ITGB6: variants seen among roughly 807,000 people sequenced by gnomAD.
ITGB6 encodes the protein integrin beta-6.
Under a neutral mutation model 84.5 loss-of-function variants are expected in ITGB6, and 80 were observed. That is an observed-to-expected ratio of 0.95 (90% CI 0.79 to 1.14). The LOEUF is 1.14. Among genes scored for constraint, ITGB6 ranks in the 50% most tolerant of loss-of-function variants. ITGB6 has a pLI of 0.00. For synonymous variants in ITGB6, 383 were observed against 354.9 expected (o/e 1.08, Z -0.89); for missense variants, 1,006 against 968.0 (o/e 1.04, Z -0.52).
intron 4 of ITGB6, among the ~76,000 whole-genome samples, chr2:160,192,202 T>C (rs1467616514): frequency 6.6e-6 from 1 of 152,152 alleles, no homozygotes; most frequent in Admixed American, 6.5e-5. Flanking sequence ...GGATTTATGC[T>C]CCTGATTTCA....
intron 11 of ITGB6, among the ~76,000 whole-genome samples, chr2:160,125,410 A>G (rs1320498192): frequency 6.6e-6 from 1 of 152,200 alleles, no homozygotes; most frequent in Non-Finnish European, 1.5e-5. Flanking sequence ...TATAGAGAAG[A>G]TAAAACAGAA....
chr2:160,113,404 A>G (rs1184741136), intron 12 of ITGB6, among the ~76,000 whole-genome samples: 3 of 152,244 alleles, frequency 2.0e-5, no homozygotes, highest in Non-Finnish European at 2.9e-5. Flanking sequence ...GAAAAACCCA[A>G]CAGTGTCTGT....
At chr2:160,183,411 A>G (rs1175708034) in intron 4 of ITGB6, among the ~76,000 whole-genome samples, 1 of 152,248 alleles carries the variant, frequency 6.6e-6, no homozygotes, top group Non-Finnish European at 1.5e-5. Context: ...ACATAATGGT[A>G]AAGGGATCAA....
At chr2:160,125,406 GAAGAT>G (rs1164969976) in intron 11 of ITGB6, among the ~76,000 whole-genome samples, 1 of 152,138 alleles carries the variant, frequency 6.6e-6, no homozygotes, top group Non-Finnish European at 1.5e-5. Context: ...TATTTATAGA[GAAGAT>G]AAAACAGAAA....
At chr2:160,173,115 G>T (rs1309710055) in intron 5 of ITGB6, among the ~76,000 whole-genome samples, 1 of 152,166 alleles carries the variant, frequency 6.6e-6, no homozygotes, top group Non-Finnish European at 1.5e-5. Context: ...AAAATGCAAT[G>T]TTAAAGGGGC....
At chr2:160,163,788 ATCTTGGC>A (rs1240748499) in intron 7 of ITGB6, among the ~76,000 whole-genome samples, 2 of 152,184 alleles carry the variant, frequency 1.3e-5, no homozygotes. Context: ...CTGAGTTCAA[ATCTTGGC>A]TCTTACATGC....
In ITGB6 at chr2:160,172,554, G is replaced by A; in HGVS notation, c.921+15C>T. On this transcript the variant is annotated intron_variant, in intron 6 of 14. Coordinates refer to ENST00000283249, the MANE Select transcript of ITGB6 (RefSeq NM_000888.5). Reference sequence around the variant, plus strand: ...CTTATAGCCCTGAAAACAGTACAGAGTGCAGGTTACACACCAAGACAGTTG... The same window carrying A: ...CTTATAGCCCTGAAAACAGTACAGAATGCAGGTTACACACCAAGACAGTTG... 6.3e-7 allele frequency: 1 copy of A among 1,583,488 alleles called. No individual in the cohort carries two copies. Among genetic ancestry groups the A allele is most frequent in the African/African-American group, 1.3e-5 (1 of 74,636 alleles).
At chr2:160,162,611 T>A (rs1468506529) in intron 7 of ITGB6, among the ~76,000 whole-genome samples, 2 of 151,906 alleles carry the variant, frequency 1.3e-5, no homozygotes, top group African/African-American at 4.8e-5. Context: ...AGTATGTGGG[T>A]GTTTATTTAT....
At chr2:160,114,038 T>C (rs1162584578) in intron 12 of ITGB6, among the ~76,000 whole-genome samples, 3 of 152,236 alleles carry the variant, frequency 2.0e-5, no homozygotes, top group African/African-American at 4.8e-5. Context: ...TGGCTTATCA[T>C]ACTCCTTTCA....
chr2:160,142,476 A>G (rs1483925972), intron 7 of ITGB6, among the ~76,000 whole-genome samples: 4 of 152,246 alleles, frequency 2.6e-5, no homozygotes, highest in East Asian at 3.8e-4. Context: ...TTTGGTGCAC[A>G]TGGGCAATGA....
intron 4 of ITGB6, among the ~76,000 whole-genome samples, chr2:160,178,723 C>T (rs1384362579): frequency 6.9e-6 from 1 of 145,190 alleles, no homozygotes; most frequent in Admixed American, 6.9e-5. Flanking sequence ...ACAGGGTCTC[C>T]CTCTGTAGCC....
chr2:160,189,042 G>A (rs6747451), intron 4 of ITGB6, among the ~76,000 whole-genome samples: 88,894 of 151,674 alleles, frequency 0.59, 26,858 homozygotes, highest in East Asian at 0.77. Flanking sequence ...CCTCAGAAAT[G>A]ATGCCACATA....
chr2:160,185,161 A>T (rs1406340369), intron 4 of ITGB6, among the ~76,000 whole-genome samples: 7 of 152,222 alleles, frequency 4.6e-5, no homozygotes, highest in Non-Finnish European at 7.3e-5. Flanking sequence ...AATAAAGCAA[A>T]TTCAAATAGA....
At chr2:160,182,806 C>T (rs555938534) in intron 4 of ITGB6, among the ~76,000 whole-genome samples, 2 of 152,306 alleles carry the variant, frequency 1.3e-5, no homozygotes, top group East Asian at 3.9e-4. Flanking sequence ...TGCAGAAACC[C>T]TACAAGCCAG....
intron 12 of ITGB6, among the ~76,000 whole-genome samples, chr2:160,121,073 TA>T (rs986869711): frequency 6.6e-6 from 1 of 151,068 alleles, no homozygotes; most frequent in African/African-American, 2.4e-5. Flanking sequence ...TAATAAAATT[TA>T]AAAAAAAGAA....
At chr2:160,101,897 C>T (rs1251458606) in intron 14 of ITGB6, 63 bp from the exon 15 acceptor site, 6 of 875,808 alleles carry the variant, frequency 6.9e-6, no homozygotes, top group South Asian at 5.8e-5. Flanking sequence ...TGTTTTAATA[C>T]GTAGTGCAAA....
intron 13 of ITGB6, among the ~76,000 whole-genome samples, chr2:160,108,721 TCAAG>T (rs1447723334): frequency 6.6e-6 from 1 of 152,214 alleles, no homozygotes; most frequent in African/African-American, 2.4e-5. Flanking sequence ...ATTCTTATCC[TCAAG>T]CAAGTCTGGG....
chr2:160,130,410 G>A (rs10497208), intron 10 of ITGB6, among the ~76,000 whole-genome samples: 2 of 151,780 alleles, frequency 1.3e-5, no homozygotes, highest in African/African-American at 4.8e-5. Context: ...GGATTATGTC[G>A]GGATAAACTC....
chr2:160,141,834 T>G, intron 8 of ITGB6, 148 bp downstream of exon 8: 1 of 538,092 alleles, frequency 1.9e-6, no homozygotes, highest in Non-Finnish European at 3.3e-6. Flanking sequence ...TGAACAAAAT[T>G]TATATTTTGG....
Sources: gnomAD v4.1 joint callset for allele counts (sites outside exome capture counted in the v4.1 genomes callset) on GRCh38, gnomAD v4.1.1 for gene constraint, MANE v1.5 for transcripts, NCBI Gene and HGNC (gene_info 2026-07-23, HGNC 2026-07-21) for gene names.